The following TXNRD3 variants were observed in gnomAD, a reference collection of about 807,000 sequenced individuals.
TXNRD3 encodes TXNRD3 neighbor gene protein.
A neutral mutation model predicts 78.2 loss-of-function variants in TXNRD3; 68 were observed. The ratio of observed to expected loss-of-function variants is 0.87; its 90% CI spans 0.72 to 1.06. The LOEUF (loss-of-function observed/expected upper bound fraction) is 1.06. TXNRD3 is among the 50% of genes least tolerant of loss of function. The probability of loss-of-function intolerance (pLI) is 0.00; values close to 1 mark genes in which losing one functional copy is unlikely to be tolerated. For synonymous variants in TXNRD3, 296 were observed against 300.1 expected, an observed-to-expected ratio of 0.99 and a Z score of 0.14; for missense variants, 751 against 809.5, an observed-to-expected ratio of 0.93 and a Z score of 0.88.
chr3:126,631,620 T>C (rs1938716371), intron 8 of TXNRD3, 144 bp downstream of exon 8: 1 of 603,432 alleles, frequency 1.7e-6, no homozygotes, highest in Non-Finnish European at 2.8e-6. Context: ...TTTCATTACT[T>C]TTAACTATTT....
intron 12 of TXNRD3, among the ~76,000 whole-genome samples, chr3:126,616,314 C>A (rs1938319347): frequency 6.6e-6 from 1 of 152,192 alleles, no homozygotes; most frequent in Non-Finnish European, 1.5e-5. Flanking sequence ...ACACCACCAT[C>A]CACAGCACTG....
At chr3:126,652,140 C>T (rs115910844) in intron 1 of TXNRD3, among the ~76,000 whole-genome samples, 3,376 of 152,218 alleles carry the variant, frequency 0.022, 52 homozygotes, top group Non-Finnish European at 0.031. Flanking sequence ...CTGGCATCTC[C>T]CTGGCTTCTG....
intron 12 of TXNRD3, among the ~76,000 whole-genome samples, chr3:126,619,404 A>C (rs1190049573): frequency 6.6e-6 from 1 of 152,228 alleles, no homozygotes; most frequent in Non-Finnish European, 1.5e-5. Context: ...CTGATCATTC[A>C]TAGCAACATG....
Position 126,607,753 on chromosome 3 carries a change from G to A in TXNRD3, c.*152C>T. The A allele has an allele frequency of 2.2e-6, 1 of 459,922 alleles. No homozygotes were observed. Among genetic ancestry groups the A allele is most frequent in the Admixed American group, 4.1e-5 (1 of 24,390 alleles). 28.5% of individuals were successfully genotyped at this position (459,922 alleles called of 1,614,324 possible). A position where few individuals can be genotyped will look rare whatever the true frequency, so the allele number is the denominator to read the frequency against. ...ATGCCCACTGCTGTCCTCTTTCCTT[G>A]TCTACTTTCTCATCTAAGTGTCGTA... is the stretch of plus-strand genomic sequence containing the variant. On this transcript the variant is annotated 3_prime_UTR_variant, in exon 16 of 16. Transcript: ENST00000524230.
intron 6 of TXNRD3, among the ~76,000 whole-genome samples, chr3:126,635,643 A>C (rs964895211): frequency 6.6e-6 from 1 of 152,220 alleles, no homozygotes; most frequent in African/African-American, 2.4e-5. Context: ...TACTGGACTT[A>C]TATAAAATTT....
chr3:126,642,031 C>A lies in TXNRD3; in HGVS notation c.712+1G>T, dbSNP rs1305638813. On this transcript the variant is annotated splice_donor_variant, in intron 6 of 15. Coordinates refer to ENST00000524230, the MANE Select transcript of TXNRD3 (RefSeq NM_052883.3). LOFTEE classifies it high-confidence loss of function. ...TCTATACTTTATGAACCATTACTCACCTTGTTGATTATATTCCCAGCCAAA... is the reference window on the plus strand; with the variant it reads ...TCTATACTTTATGAACCATTACTCAACTTGTTGATTATATTCCCAGCCAAA... 6.5e-7 allele frequency: 1 copy of A among 1,533,762 alleles called. No homozygotes were observed. Among genetic ancestry groups the A allele is most frequent in the Non-Finnish European group, 8.7e-7 (1 of 1,146,210 alleles).
intron 10 of TXNRD3, among the ~76,000 whole-genome samples, chr3:126,624,082 T>C (rs1938518809): frequency 6.6e-6 from 1 of 152,082 alleles, no homozygotes; most frequent in Non-Finnish European, 1.5e-5. Flanking sequence ...GATAAAACAT[T>C]GCTGAGAGGA....
At chr3:126,631,621 T>C in intron 8 of TXNRD3, 143 bp downstream of exon 8, 1 of 605,678 alleles carries the variant, frequency 1.7e-6, no homozygotes. Flanking sequence ...TTCATTACTT[T>C]TAACTATTTA....
intron 7 of TXNRD3, among the ~76,000 whole-genome samples, chr3:126,632,367 T>C (rs1290150126): frequency 6.6e-6 from 1 of 152,112 alleles, no homozygotes; most frequent in Non-Finnish European, 1.5e-5. Context: ...TTTTTAATTA[T>C]ACAAATAATT....
intron 12 of TXNRD3, among the ~76,000 whole-genome samples, chr3:126,616,008 T>C (rs1195659201): frequency 6.6e-6 from 1 of 152,106 alleles, no homozygotes; most frequent in Non-Finnish European, 1.5e-5. Flanking sequence ...AGGGGGGTGC[T>C]AATACACCGC....
At chr3:126,651,407 A>G (rs1303368331) in intron 1 of TXNRD3, among the ~76,000 whole-genome samples, 1 of 152,256 alleles carries the variant, frequency 6.6e-6, no homozygotes, top group Non-Finnish European at 1.5e-5. Context: ...AGTTGTCCAA[A>G]TATGTCATGG....
In TXNRD3 at chr3:126,631,810, G is replaced by A; in HGVS notation, c.925C>T (p.Pro309Ser). 4 of 1,535,762 alleles carry A rather than the reference G, an allele frequency of 2.6e-6. No individual in the cohort carries two copies. The highest frequency in any genetic ancestry group is 3.5e-6 in the Non-Finnish European group (4 of 1,146,682). ...TCTCCTTGGATTCCTAAATACCGTG[G>A]CCTTTCACCCGTTGCTATGACAAAC... The change falls in exon 8 of 16, where the codon CCA becomes TCA. Residue 309 changes from proline (P) to serine (S), a missense_variant. Pro to Ser is a moderately conservative substitution (Grantham distance 74, BLOSUM62 -1). Transcript: ENST00000524230.
intron 8 of TXNRD3, among the ~76,000 whole-genome samples, chr3:126,631,393 G>A (rs190816407): frequency 2.0e-5 from 3 of 151,964 alleles, no homozygotes; most frequent in Admixed American, 6.5e-5. Context: ...TTAAATCTCA[G>A]TGTTAAGAAA....
intron 7 of TXNRD3, among the ~76,000 whole-genome samples, chr3:126,632,285 G>C (rs1938736148): frequency 6.6e-6 from 1 of 152,186 alleles, no homozygotes; most frequent in Admixed American, 6.5e-5. Flanking sequence ...AAACAGACTA[G>C]AGCCAAGTGC....
chr3:126,646,980 T>C (rs1367129852), intron 2 of TXNRD3, among the ~76,000 whole-genome samples: 1 of 152,208 alleles, frequency 6.6e-6, no homozygotes, highest in African/African-American at 2.4e-5. Context: ...CTGAAATGCC[T>C]TAAGTACTTC....
intron 1 of TXNRD3, 87 bp from the exon 2 acceptor site, chr3:126,647,383 T>C (rs1933265737): frequency 1.0e-6 from 1 of 989,100 alleles, no homozygotes; most frequent in Middle Eastern, 2.1e-4. Context: ...ATGTCAACAA[T>C]AAATGTTCTG....
At chr3:126,625,665 T>C (rs1938564628) in intron 10 of TXNRD3, among the ~76,000 whole-genome samples, 1 of 152,176 alleles carries the variant, frequency 6.6e-6, no homozygotes, top group Non-Finnish European at 1.5e-5. Context: ...TTTGGGTATA[T>C]ACCCAGTAAT....
intron 13 of TXNRD3, among the ~76,000 whole-genome samples, chr3:126,613,445 T>C (rs920853504): frequency 3.5e-4 from 54 of 152,302 alleles, no homozygotes; most frequent in African/African-American, 1.3e-3. Flanking sequence ...CAAAGACAAC[T>C]TGAAAGCAAC....
intron 5 of TXNRD3, 62 bp from the exon 6 acceptor site, chr3:126,642,213 T>C: frequency 6.8e-7 from 1 of 1,476,774 alleles, no homozygotes; most frequent in East Asian, 2.5e-5. Flanking sequence ...TCTGCAATCA[T>C]ATTATATTAA....
Sources: allele counts gnomAD v4.1 joint callset (sites outside exome capture counted in the v4.1 genomes callset), GRCh38; gene constraint gnomAD v4.1.1; transcripts MANE v1.5; gene names NCBI Gene and HGNC (gene_info 2026-07-23, HGNC 2026-07-21).